Variants in SAMHD1 observed in about 807,000 individuals in gnomAD.
SAMHD1 encodes the protein SAM and HD domain containing deoxynucleoside triphosphate triphosphohydrolase 1.
Under a neutral mutation model 79.6 loss-of-function variants are expected in SAMHD1, and 54 were observed. The observed-to-expected ratio is 0.68, with a 90% CI of 0.55 to 0.85. The LOEUF is 0.85. Ranked by LOEUF, SAMHD1 falls within the 40% of genes least tolerant of loss-of-function variation. SAMHD1 has a pLI of 0.00. For missense variants in SAMHD1, 663 were observed against 782.7 expected (o/e 0.85, Z 1.82); for synonymous variants, 260 against 264.1 (o/e 0.98, Z 0.15).
At chr20:36,896,234 A>G (rs2148354572) in intron 15 of SAMHD1, among the ~76,000 whole-genome samples, 1 of 151,800 alleles carries the variant, frequency 6.6e-6, no homozygotes, top group East Asian at 2.0e-4. Context: ...GGCCTCCCAA[A>G]AGTGCTGGGA....
chr20:36,897,514 T>G (rs1990219770), intron 15 of SAMHD1: 1 of 425,456 alleles, frequency 2.4e-6, no homozygotes, highest in African/African-American at 2.0e-5. Context: ...CTCTGAAAGA[T>G]GGAGACACTA....
intron 4 of SAMHD1, 85 bp from the exon 5 acceptor site, chr20:36,930,960 T>C (rs113178129): frequency 1.4e-5 from 12 of 878,960 alleles, no homozygotes; most frequent in African/African-American, 9.8e-5. Context: ...GTATGTTTCC[T>C]TAAACATTCT....
chr20:36,935,558 G>A (rs113778428), intron 3 of SAMHD1, among the ~76,000 whole-genome samples: 1 of 151,612 alleles, frequency 6.6e-6, no homozygotes, highest in Non-Finnish European at 1.5e-5. Context: ...TATCACTATA[G>A]GTATTATGTC....
chr20:36,922,159 G>C (rs1318583992), intron 6 of SAMHD1, among the ~76,000 whole-genome samples: 1 of 152,110 alleles, frequency 6.6e-6, no homozygotes, highest in East Asian at 1.9e-4. Flanking sequence ...CAGATCAAAA[G>C]AAACTAGAAA....
intron 15 of SAMHD1, among the ~76,000 whole-genome samples, chr20:36,895,369 C>A (rs1990178592): frequency 1.3e-5 from 2 of 152,008 alleles, no homozygotes; most frequent in South Asian, 4.1e-4. Context: ...TTTAAATAAG[C>A]TTTTCCTGAC....
rs1990049188 is a variant in SAMHD1 at position 36,890,541 on chromosome 20, T to A, written c.*2391A>T. 6.6e-6 allele frequency: 1 copy of A among 152,028 alleles called. No homozygotes were observed. Among genetic ancestry groups the A allele is most frequent in the Non-Finnish European group, 1.5e-5 (1 of 68,078 alleles). The allele number at this position is 152,028 out of a possible 1,614,324, so 9.4% of individuals were successfully genotyped here. On this transcript the variant is annotated 3_prime_UTR_variant, in exon 16 of 16. Coordinates refer to ENST00000646673, the MANE Select transcript of SAMHD1 (RefSeq NM_015474.4). ...GTGCAGTGGCCTGATCTTGGCTCACTGCAACCTCTGCCTCCCGGATTCAAG... is the reference window on the plus strand; with the variant it reads ...GTGCAGTGGCCTGATCTTGGCTCACAGCAACCTCTGCCTCCCGGATTCAAG...
intron 6 of SAMHD1, among the ~76,000 whole-genome samples, chr20:36,920,807 T>G (rs1209517351): frequency 6.6e-6 from 1 of 150,504 alleles, no homozygotes; most frequent in Admixed American, 6.6e-5. Flanking sequence ...TCAGGCTGGG[T>G]GCAGTGGCTC....
intron 15 of SAMHD1, among the ~76,000 whole-genome samples, chr20:36,894,406 T>C (rs767593391): frequency 2.6e-5 from 4 of 151,396 alleles, no homozygotes; most frequent in African/African-American, 4.9e-5. Context: ...CTAATTTTTG[T>C]ATTTTTAGTA....
chr20:36,938,990 G>C (rs917130271), intron 3 of SAMHD1, among the ~76,000 whole-genome samples: 1 of 149,746 alleles, frequency 6.7e-6, no homozygotes, highest in African/African-American at 2.5e-5. Context: ...CAGCACTTTG[G>C]GAGGCCAAGG....
rs186225001 is a variant in SAMHD1 at position 36,946,730 on chromosome 20, A to T, written c.275+8T>A. The T allele has an allele frequency of 1.3e-4, 211 of 1,605,924 alleles. No homozygotes were observed. The African/African-American group carries it at 2.6e-3, about 20-fold the overall frequency. On this transcript the variant is annotated splice_region_variant and intron_variant, in intron 2 of 15. Transcript: ENST00000646673. ...GGTTATAACGTGAATTTATTTCTTC[A>T]TTCTTACCTTACTCCAAGATTTTCA...
chr20:36,898,657 T>G, intron 13 of SAMHD1, 113 bp from the exon 14 acceptor site: 1 of 809,032 alleles, frequency 1.2e-6, no homozygotes, highest in South Asian at 1.4e-5. Context: ...CTCATGCCTA[T>G]AATCCCAGCA....
intron 6 of SAMHD1, among the ~76,000 whole-genome samples, chr20:36,920,260 G>A (rs146236977): frequency 2.6e-4 from 39 of 152,128 alleles, no homozygotes; most frequent in African/African-American, 9.4e-4. Context: ...AACCACAGGT[G>A]CACACCACCC....
intron 1 of SAMHD1, among the ~76,000 whole-genome samples, chr20:36,947,551 GGTGTGTGTGTGTGTGT>G (rs71186095): frequency 5.8e-4 from 44 of 75,768 alleles, no homozygotes; most frequent in Non-Finnish European, 8.5e-4. Flanking sequence ...TTGGAAGAGG[GGTGTGTGTGTGTGTGT>G]GTGTGTGTGT....
At chr20:36,947,551 G>T (rs112566601) in intron 1 of SAMHD1, among the ~76,000 whole-genome samples, 1,507 of 75,502 alleles carry the variant, frequency 0.02, 239 homozygotes, top group African/African-American at 0.037. Flanking sequence ...TTGGAAGAGG[G>T]GTGTGTGTGT....
intron 9 of SAMHD1, among the ~76,000 whole-genome samples, chr20:36,914,922 G>A (rs2063466507): frequency 6.6e-6 from 1 of 151,926 alleles, no homozygotes; most frequent in Admixed American, 6.6e-5. Flanking sequence ...TGAAGTGGGA[G>A]ATTTGCTTGA....
chr20:36,918,293 CA>C (rs1385517988), intron 7 of SAMHD1, among the ~76,000 whole-genome samples: 1 of 151,858 alleles, frequency 6.6e-6, no homozygotes, highest in Non-Finnish European at 1.5e-5. Flanking sequence ...TACACATTTA[CA>C]TTCCAAACAA....
At chr20:36,946,662 G>T in intron 2 of SAMHD1, 76 bp downstream of exon 2, 1 of 1,084,822 alleles carries the variant, frequency 9.2e-7, no homozygotes, top group Non-Finnish European at 1.4e-6. Context: ...GTTTATATCA[G>T]AGATTTTGGG....
chr20:36,901,666 T>C (rs1214229148), intron 13 of SAMHD1, among the ~76,000 whole-genome samples: 1 of 151,150 alleles, frequency 6.6e-6, no homozygotes, highest in Non-Finnish European at 1.5e-5. Flanking sequence ...AGCCCAGGAG[T>C]TTGAGGTTAT....
chr20:36,910,136 T>C (rs62208117), intron 11 of SAMHD1, among the ~76,000 whole-genome samples: 18,132 of 150,132 alleles, frequency 0.12, 1,407 homozygotes, highest in Middle Eastern at 0.22. Context: ...GGCAGGAGAA[T>C]GGTGTGAACC....
Sources: allele counts gnomAD v4.1 joint callset (sites outside exome capture counted in the v4.1 genomes callset), GRCh38; gene constraint gnomAD v4.1.1; transcripts MANE v1.5; gene names NCBI Gene and HGNC (gene_info 2026-07-23, HGNC 2026-07-21).